Variants in ACTR8 observed in about 807,000 individuals in gnomAD.
ACTR8 encodes the protein actin related protein 8, also known as actin-related protein 8.
ACTR8 carries 70 observed loss-of-function variants against 84.3 expected under a neutral mutation model. That is an observed-to-expected ratio of 0.83 (90% CI 0.68 to 1.01). The LOEUF (loss-of-function observed/expected upper bound fraction) is 1.01, where lower values mean the gene tolerates loss of function less well. ACTR8 is among the 50% of genes least tolerant of loss of function. The probability of loss-of-function intolerance (pLI) is 0.00; values close to 1 mark genes in which losing one functional copy is unlikely to be tolerated. For missense variants in ACTR8, 672 were observed against 775.4 expected, an observed-to-expected ratio of 0.87 and a Z score of 1.58; for synonymous variants, 268 against 275.2, an observed-to-expected ratio of 0.97 and a Z score of 0.26.
Position 53,870,273 on chromosome 3 carries a change from A to C in ACTR8, c.1568-128T>G. 9.2e-7 allele frequency: 1 copy of C among 1,088,718 alleles called. No individual in the cohort carries two copies. Among genetic ancestry groups the C allele is most frequent in the Non-Finnish European group, 1.3e-6 (1 of 754,492 alleles). The allele number at this position is 1,088,718 out of a possible 1,614,324, so 67.4% of individuals were successfully genotyped here. A position where few individuals can be genotyped will look rare whatever the true frequency, so the allele number is the denominator to read the frequency against. ...AAGATTTCCCTCCAGCCCACCCTCC[A>C]CACTGCAGCCAGGGGAACCCTACGA... On this transcript the variant is annotated intron_variant, in intron 11 of 12. Coordinates refer to ENST00000335754, the MANE Select transcript of ACTR8 (RefSeq NM_022899.5). This position sits in a 1 kb window ranked among gnomAD's most constrained non-coding sequence, Gnocchi z 4.1.
At chr3:53,876,868 TA>T (rs1699981696) in intron 5 of ACTR8, among the ~76,000 whole-genome samples, 155 bp from the exon 6 acceptor site, 1 of 146,118 alleles carries the variant, frequency 6.8e-6, no homozygotes, top group Admixed American at 6.9e-5. Context: ...TTGGGTTTTA[TA>T]AGGAAAAAAA....
chr3:53,865,033 G>C, downstream of ACTR8: 1 of 1,614,210 alleles, frequency 6.2e-7, no homozygotes, highest in Non-Finnish European at 8.5e-7. Context: ...TGGCAAGAGC[G>C]AGGGCAGTCC....
rs1274701090 is a variant in ACTR8, at chr3:53,867,705, T to C, written c.*1014A>G. The C allele has an allele frequency of 6.6e-6, 1 of 152,246 alleles. No homozygotes were observed. The highest frequency in any genetic ancestry group is 1.5e-5 in the Non-Finnish European group (1 of 68,054). The allele number at this position is 152,246 out of a possible 1,614,324, so 9.4% of individuals were successfully genotyped here. On this transcript the variant is annotated 3_prime_UTR_variant, in exon 13 of 13. Transcript: ENST00000335754. ...GCTCTGGGCTCCCAGACTGTGTTCC[T>C]ACCTCTGGACAATGCTTTCTCTTCC...
chr3:53,864,992 A>G (rs750609380), downstream of ACTR8: 4 of 1,614,190 alleles, frequency 2.5e-6, no homozygotes, highest in Admixed American at 5.0e-5. Context: ...CTTCTTTCCA[A>G]TGACGTCAAC....
chr3:53,877,611 C>T (rs767794232), intron 4 of ACTR8, 36 bp downstream of exon 4: 3 of 1,580,732 alleles, frequency 1.9e-6, no homozygotes, highest in Non-Finnish European at 8.7e-7. Flanking sequence ...GGATCAGCTT[C>T]CCCTTCTTTC....
At chr3:53,875,313 C>G (rs888854306) in intron 7 of ACTR8, among the ~76,000 whole-genome samples, 2 of 152,056 alleles carry the variant, frequency 1.3e-5, no homozygotes, top group Non-Finnish European at 2.9e-5. Flanking sequence ...ATGTGGAGGA[C>G]GGGAAGAATG....
At chr3:53,880,197 G>A in intron 1 of ACTR8, 88 bp from the exon 2 acceptor site, 1 of 1,325,256 alleles carries the variant, frequency 7.5e-7, no homozygotes, top group Non-Finnish European at 1.1e-6. Context: ...GCTAAACTAA[G>A]AAGCTGACTC....
chr3:53,865,839 T>C (rs1239944071), downstream of ACTR8: 1 of 152,532 alleles, frequency 6.6e-6, no homozygotes, highest in East Asian at 1.9e-4. Context: ...ACCACTTGTA[T>C]GATTTGGTAT....
rs749310606 is a variant in ACTR8, at chr3:53,877,710, A to G, written c.447T>C (p.Asp149=). 5 of 1,614,174 alleles carry G rather than the reference A, an allele frequency of 3.1e-6. No individual in the cohort carries two copies. In the South Asian group the frequency reaches 5.5e-5, roughly 18 times the overall value. Reference sequence around the variant, plus strand: ...TTGTCCACTTATTTCCCGAACAGTGATCTAAAATTGCAGGTCGCATCTGCT... The same window carrying G: ...TTGTCCACTTATTTCCCGAACAGTGGTCTAAAATTGCAGGTCGCATCTGCT... ...YNKQMRPAIL[D]HCSGNKWTNT... The change falls in exon 4 of 13, where the codon GAT becomes GAC. Residue 149 remains aspartate, a synonymous_variant. Coordinates refer to ENST00000335754, the MANE Select transcript of ACTR8 (RefSeq NM_022899.5).
chr3:53,873,987 G>A (rs1699929172), intron 8 of ACTR8, among the ~76,000 whole-genome samples: 1 of 152,008 alleles, frequency 6.6e-6, no homozygotes, highest in Non-Finnish European at 1.5e-5. Flanking sequence ...ACCACGCCCG[G>A]CTAATTTTTT....
At position 53,871,248 on chromosome 3, in the gene ACTR8, A is replaced by G. The variant is rs781324307; in HGVS notation, c.1551T>C (p.His517=). The stretch of plus-strand genomic sequence containing the variant: ...TGTGCTTACAACAGCAGTCTATGCT[A>G]TGGAGGATGGCTTTATCCAGGCCCA... ...KALGLDKAIL[H]SIDCCSSDDT... is the part of the protein sequence containing the mutation. Residue 517 remains histidine (H), a synonymous_variant, in exon 11 of 13, where the codon CAT becomes CAC. Transcript: ENST00000335754. 6.2e-7 allele frequency: 1 copy of G among 1,614,094 alleles called. No individual in the cohort carries two copies. Among genetic ancestry groups the G allele is most frequent in the Non-Finnish European group, 8.5e-7 (1 of 1,179,924 alleles).
intron 12 of ACTR8, among the ~76,000 whole-genome samples, chr3:53,869,446 C>T (rs1002044731): frequency 9.2e-5 from 14 of 152,298 alleles, no homozygotes; most frequent in African/African-American, 2.2e-4. Context: ...TTACTTATTT[C>T]GCAGTTTGAG....
intron 7 of ACTR8, among the ~76,000 whole-genome samples, 196 bp from the exon 8 acceptor site, chr3:53,874,560 C>G (rs1699937904): frequency 6.6e-6 from 1 of 151,922 alleles, no homozygotes; most frequent in Non-Finnish European, 1.5e-5. Flanking sequence ...CCTGTCTCTA[C>G]TAAAAATACA....
At chr3:53,873,750 C>G (rs1164211969) in intron 8 of ACTR8, among the ~76,000 whole-genome samples, 1 of 152,204 alleles carries the variant, frequency 6.6e-6, no homozygotes, top group Non-Finnish European at 1.5e-5. Context: ...AAAACTCTCA[C>G]TCCTTAAGGG....
downstream of ACTR8, chr3:53,864,633 C>G: frequency 1.2e-6 from 1 of 802,334 alleles, no homozygotes; most frequent in Non-Finnish European, 2.0e-6. Flanking sequence ...TAACAAGGCC[C>G]TTGGTGCTCA....
At chr3:53,862,602 C>T (rs1448688839), downstream of ACTR8, among the ~76,000 whole-genome samples, 1 of 152,184 alleles carries the variant, frequency 6.6e-6, no homozygotes, top group East Asian at 1.9e-4. Context: ...CAGATAACCA[C>T]ACTAGAGGAA....
chr3:53,871,505 C>T lies in ACTR8; in HGVS notation c.1303-9G>A, dbSNP rs1350720704. 6.2e-7 allele frequency: 1 copy of T among 1,613,276 alleles called. No homozygotes were observed. Among genetic ancestry groups the T allele is most frequent in the Admixed American group, 1.7e-5 (1 of 59,972 alleles). ...GCAGTAGCTTTTGCAGACTTTAAAT[C>T]AAAAGGACAATCAAGTATGTGGTAT... On this transcript the variant is annotated splice_polypyrimidine_tract_variant and intron_variant, in intron 10 of 12. Coordinates refer to ENST00000335754, the MANE Select transcript of ACTR8 (RefSeq NM_022899.5).
intron 7 of ACTR8, 77 bp downstream of exon 7, chr3:53,875,871 G>A: frequency 6.4e-7 from 1 of 1,562,152 alleles, no homozygotes; most frequent in Non-Finnish European, 8.7e-7. Context: ...TTTTTAACCT[G>A]TGATTTCTTA....
chr3:53,873,164 A>G, intron 8 of ACTR8, 37 bp from the exon 9 acceptor site: 1 of 1,514,600 alleles, frequency 6.6e-7, no homozygotes. Flanking sequence ...TGAATCAGTA[A>G]GAATGCATGT....
Sources: gnomAD v4.1 joint callset for allele counts (sites outside exome capture counted in the v4.1 genomes callset) on GRCh38, gnomAD v4.1.1 for gene constraint, Gnocchi (gnomAD v3.1) non-coding constraint, MANE v1.5 for transcripts, NCBI Gene and HGNC (gene_info 2026-07-23, HGNC 2026-07-21) for gene names.